The following GCNT1 variants were observed in gnomAD, a reference collection of about 807,000 sequenced individuals.
GCNT1 encodes the protein beta-1,3-galactosyl-O-glycosyl-glycoprotein beta-1,6-N-acetylglucosaminyltransferase.
Under a neutral mutation model 26.2 loss-of-function variants are expected in GCNT1, and 16 were observed. The observed-to-expected ratio is 0.61, with a 90% CI of 0.41 to 0.93. GCNT1 has a LOEUF of 0.93. Among genes scored for constraint, GCNT1 ranks in the 40% least tolerant of loss-of-function variants. GCNT1 has a pLI of 0.00. For synonymous variants in GCNT1, 183 were observed against 190.8 expected (o/e 0.96, Z 0.34); for missense variants, 477 against 526.7 (o/e 0.91, Z 0.92).
At chr9:76,492,146 T>G (rs147183222) in intron 2 of GCNT1, among the ~76,000 whole-genome samples, 116 of 152,248 alleles carry the variant, frequency 7.6e-4, no homozygotes, top group African/African-American at 2.6e-3. Context: ...AAAGAGAAGT[T>G]TTGTCCTGTG....
chr9:76,429,162 T>C (rs1170118989), intron 1 of GCNT1, among the ~76,000 whole-genome samples: 1 of 152,214 alleles, frequency 6.6e-6, no homozygotes, highest in Non-Finnish European at 1.5e-5. Context: ...GACATAATGT[T>C]CCATTATATG....
At chr9:76,423,553 C>T (rs374998277) in intron 1 of GCNT1, among the ~76,000 whole-genome samples, 20 of 152,304 alleles carry the variant, frequency 1.3e-4, no homozygotes, top group South Asian at 1.0e-3. Context: ...ACAAAACAGA[C>T]TAAAACAGAG....
intron 1 of GCNT1, among the ~76,000 whole-genome samples, chr9:76,430,988 A>G (rs997723969): frequency 2.6e-5 from 4 of 152,270 alleles, no homozygotes; most frequent in African/African-American, 9.6e-5. Flanking sequence ...ACCTGGCCTC[A>G]TCTCTTAAAG....
At chr9:76,442,496 C>G (rs1823496489) in intron 1 of GCNT1, among the ~76,000 whole-genome samples, 1 of 152,088 alleles carries the variant, frequency 6.6e-6, no homozygotes. Context: ...GCCTGGCCAA[C>G]ATGGCAAAAC....
the GCNT1 span, among the ~76,000 whole-genome samples, chr9:76,395,639 G>C: frequency 6.6e-6 from 1 of 152,052 alleles, no homozygotes; most frequent in Middle Eastern, 3.2e-3. Context: ...AAAGGAAAGG[G>C]GAAGGGAAAG....
At chr9:76,492,988 G>A (rs1181899388) in intron 2 of GCNT1, among the ~76,000 whole-genome samples, 2 of 152,106 alleles carry the variant, frequency 1.3e-5, no homozygotes, top group Admixed American at 1.3e-4. Context: ...AGCTGATTGG[G>A]TAATAAACTT....
Position 76,504,655 on chromosome 9 carries a change from A to G in GCNT1, c.*987A>G. On this transcript the variant is annotated 3_prime_UTR_variant, in exon 4 of 4. Transcript: ENST00000376730. ...GATGCCCATGATGAGTTTAAAAACC[A>G]GCATTGACACCATCCCCAAAATTAA... 4.8e-6 allele frequency: 2 copies of G among 412,682 alleles called. No individual in the cohort carries two copies. The highest frequency in any genetic ancestry group is 8.8e-6 in the Non-Finnish European group (2 of 226,060). 25.6% of individuals were successfully genotyped at this position (412,682 alleles called of 1,614,324 possible).
chr9:76,428,451 T>C lies in GCNT1; in HGVS notation n.38+8564T>C, dbSNP rs546678672. ...AAATACATAAAATAAATGAGAATAA[T>C]ATGAATACCTATCACTGATTTTAAA... On this transcript the variant is annotated intron_variant and non_coding_transcript_variant, in intron 1 of 3. Transcript: ENST00000488136. Among the ~76,000 whole-genome samples, 6 of 152,008 alleles carry C rather than the reference T, an allele frequency of 3.9e-5. No homozygotes were observed. The South Asian group carries it at 1.0e-3, about 26-fold the overall frequency.
intron 1 of GCNT1, among the ~76,000 whole-genome samples, chr9:76,448,191 C>A (rs748515616): frequency 4.6e-5 from 7 of 152,212 alleles, no homozygotes; most frequent in Non-Finnish European, 1.0e-4. Context: ...GTGGCTCGCG[C>A]CTGTAATCCA....
intron 1 of GCNT1, among the ~76,000 whole-genome samples, chr9:76,421,281 A>G (rs1273774550): frequency 1.3e-5 from 2 of 152,156 alleles, no homozygotes; most frequent in Non-Finnish European, 2.9e-5. Flanking sequence ...TTCCTGGACA[A>G]TGCCAGCATT....
the GCNT1 span, among the ~76,000 whole-genome samples, chr9:76,406,496 CAAAAAAA>C: frequency 3.2e-5 from 2 of 62,464 alleles, no homozygotes; most frequent in Non-Finnish European, 6.7e-5. Context: ...GACCCTGTCT[CAAAAAAA>C]AAAAAAAAAA....
At chr9:76,426,825 C>T (rs1426462896) in intron 1 of GCNT1, among the ~76,000 whole-genome samples, 11 of 152,056 alleles carry the variant, frequency 7.2e-5, no homozygotes, top group Non-Finnish European at 1.3e-4. Flanking sequence ...GCAAGAGAAT[C>T]GCTTGAACCT....
At chr9:76,479,912 G>T (rs573208066) in intron 2 of GCNT1, among the ~76,000 whole-genome samples, 3 of 152,140 alleles carry the variant, frequency 2.0e-5, no homozygotes, top group African/African-American at 7.2e-5. Flanking sequence ...TGGTGTTTTA[G>T]ACATGAAGTC....
intron 2 of GCNT1, among the ~76,000 whole-genome samples, chr9:76,486,629 T>A (rs1824584067): frequency 1.3e-5 from 2 of 152,218 alleles, no homozygotes; most frequent in Admixed American, 1.3e-4. Flanking sequence ...TGCTACTACT[T>A]CAGTTATATT....
At position 76,502,969 on chromosome 9, in the gene GCNT1, C is replaced by T. The variant is rs776785969; in HGVS notation, c.588C>T (p.Asp196=). The change falls in exon 4 of 4, where the codon GAC becomes GAT. Residue 196 remains aspartate, a synonymous_variant. Transcript: ENST00000376730. Reference sequence around the variant, plus strand: ...CATCGTGGAGCCGGGTTCAGGCTGACCTCAACTGCATGAAGGATCTCTATG... The same window carrying T: ...CATCGTGGAGCCGGGTTCAGGCTGATCTCAACTGCATGAAGGATCTCTATG... ...VYASWSRVQA[D]LNCMKDLYAM... is the part of the protein sequence containing the mutation. 3.1e-6 allele frequency: 5 copies of T among 1,612,916 alleles called. No individual in the cohort carries two copies. Among genetic ancestry groups the T allele is most frequent in the South Asian group, 2.2e-5 (2 of 91,086 alleles).
rs1279001629 is a variant in GCNT1 at position 76,428,292 on chromosome 9, T to TAAAAAAAAAAAAAAA, written n.38+8416_38+8417insAAAAAAAAAAAAAAA. Among the ~76,000 whole-genome samples, 258 of 85,864 alleles carry TAAAAAAAAAAAAAAA rather than the reference T, an allele frequency of 3.0e-3. 12 individuals carry two copies. The highest frequency in any genetic ancestry group is 7.7e-3 in the Middle Eastern group (1 of 130). The allele number at this position is 85,864 out of a possible 152,430, so 56.3% of individuals were successfully genotyped here. A position where few individuals can be genotyped will look rare whatever the true frequency, so the allele number is the denominator to read the frequency against. ...AAAAAAAAAAAAAAAAAAAAAAACT[T>TAAAAAAAAAAAAAAA]AAAAAAAAAAAGAGAGAGAGAAATG... On this transcript the variant is annotated intron_variant and non_coding_transcript_variant, in intron 1 of 3. Transcript: ENST00000488136.
At chr9:76,480,730 C>T (rs116450596) in intron 2 of GCNT1, among the ~76,000 whole-genome samples, 1,858 of 151,990 alleles carry the variant, frequency 0.012, 30 homozygotes, top group African/African-American at 0.041. Flanking sequence ...CATTTTGTCT[C>T]AAAGTAGTAT....
upstream of GCNT1, among the ~76,000 whole-genome samples, chr9:76,458,346 C>A (rs1823794738): frequency 6.6e-6 from 1 of 151,884 alleles, no homozygotes; most frequent in African/African-American, 2.4e-5. Flanking sequence ...CCACGCCTGG[C>A]TAATTTTTTG....
chr9:76,395,768 G>A, the GCNT1 span, among the ~76,000 whole-genome samples: 3 of 152,148 alleles, frequency 2.0e-5, no homozygotes, highest in African/African-American at 7.2e-5. Flanking sequence ...TAGTAATACC[G>A]GTAGTAAGAG....
Sources: allele counts gnomAD v4.1 joint callset (sites outside exome capture counted in the v4.1 genomes callset), GRCh38; gene constraint gnomAD v4.1.1; transcripts MANE v1.5; gene names NCBI Gene and HGNC (gene_info 2026-07-23, HGNC 2026-07-21).